Variants in ADAM12 observed in about 807,000 individuals in gnomAD.
ADAM12 encodes the protein ADAM metallopeptidase domain 12.
Under a neutral mutation model 106.4 loss-of-function variants are expected in ADAM12, and 70 were observed. The observed-to-expected ratio is 0.66, with a 90% confidence interval of 0.54 to 0.80. The LOEUF (loss-of-function observed/expected upper bound fraction) is 0.80. ADAM12 is among the 30% of genes least tolerant of loss of function. ADAM12 has a pLI of 0.00. For synonymous variants in ADAM12, 420 were observed against 433.5 expected (o/e 0.97, Z 0.39); for missense variants, 1,010 against 1,171.9 (o/e 0.86, Z 2.02).
intron 1 of ADAM12, among the ~76,000 whole-genome samples, chr10:126,332,922 C>T (rs1045688491): frequency 1.3e-4 from 20 of 152,112 alleles, no homozygotes; most frequent in African/African-American, 3.9e-4. Flanking sequence ...CTGCAGAGGC[C>T]GACTACAGAG....
chr10:126,065,753 CAT>C (rs909135576), intron 13 of ADAM12, among the ~76,000 whole-genome samples: 1 of 152,142 alleles, frequency 6.6e-6, no homozygotes, highest in African/African-American at 2.4e-5. Context: ...GTTAAAAAGT[CAT>C]AACCTAAAAG....
intron 2 of ADAM12, among the ~76,000 whole-genome samples, chr10:126,322,740 C>A (rs1564732758): frequency 6.6e-6 from 1 of 152,194 alleles, no homozygotes. Flanking sequence ...AGCCCAACGC[C>A]ACACAGCAAG....
chr10:126,224,023 C>T (rs1315558339), intron 3 of ADAM12, among the ~76,000 whole-genome samples: 1 of 152,188 alleles, frequency 6.6e-6, no homozygotes, highest in Non-Finnish European at 1.5e-5. Flanking sequence ...CGGCACTGTC[C>T]TCTCAGAGTG....
At chr10:126,099,450 T>C (rs2133575713) in intron 9 of ADAM12, among the ~76,000 whole-genome samples, 1 of 151,882 alleles carries the variant, frequency 6.6e-6, no homozygotes, top group South Asian at 2.1e-4. Flanking sequence ...TGGTAGAAAT[T>C]TCGGCCTTTA....
intron 5 of ADAM12, among the ~76,000 whole-genome samples, chr10:126,130,030 G>C (rs570655353): frequency 6.6e-6 from 1 of 152,222 alleles, no homozygotes; most frequent in South Asian, 2.1e-4. Context: ...TGCAAAACTG[G>C]AATCTGTTGG....
intron 3 of ADAM12, among the ~76,000 whole-genome samples, chr10:126,277,970 T>C (rs1157111701): frequency 1.3e-5 from 2 of 152,136 alleles, no homozygotes; most frequent in Non-Finnish European, 2.9e-5. Flanking sequence ...ATGATCTGAG[T>C]TGTTTACAGG....
intron 3 of ADAM12, among the ~76,000 whole-genome samples, chr10:126,158,899 T>TGGGGAGGATGCACAGAGCATGGA (rs1352159113): frequency 3.0e-5 from 3 of 98,396 alleles, no homozygotes; most frequent in Non-Finnish European, 6.4e-5. Flanking sequence ...CAGAGCATGG[T>TGGGGAGGATGCACAGAGCATGGA]GGGGAGGATG....
chr10:126,274,190 G>A (rs1959197902), intron 3 of ADAM12, among the ~76,000 whole-genome samples: 1 of 152,190 alleles, frequency 6.6e-6, no homozygotes, highest in South Asian at 2.1e-4. Context: ...GTCATGGTTG[G>A]CGGAAGAGGA....
intron 6 of ADAM12, among the ~76,000 whole-genome samples, chr10:126,110,869 G>C (rs1438389673): frequency 6.6e-6 from 1 of 152,184 alleles, no homozygotes; most frequent in Non-Finnish European, 1.5e-5. Flanking sequence ...GGAGGAAGTG[G>C]GGGTTAAGTT....
chr10:126,022,856 A>G (rs1417242583), intron 21 of ADAM12, among the ~76,000 whole-genome samples: 1 of 152,248 alleles, frequency 6.6e-6, no homozygotes, highest in Admixed American at 6.5e-5. Flanking sequence ...CAGGTATGCT[A>G]TTAATATGCT....
At position 126,013,425 on chromosome 10, in the gene ADAM12, T is replaced by C. The variant is rs1953602906; in HGVS notation, c.*3854A>G. On this transcript the variant is annotated 3_prime_UTR_variant, in exon 23 of 23. Transcript: ENST00000448723. This position sits in a 1 kb window ranked among gnomAD's most constrained non-coding sequence, Gnocchi z 4.3. ...AATTTTGTAATTATAGATAAGTTGA[T>C]TTTCTGTGGCTAACTTCCCCTTCTA... The C allele has an allele frequency of 6.6e-6, 1 of 152,178 alleles. No homozygotes were observed. Among genetic ancestry groups the C allele is most frequent in the Non-Finnish European group, 1.5e-5 (1 of 68,032 alleles). The allele number at this position is 152,178 out of a possible 1,614,324, so 9.4% of individuals were successfully genotyped here. A position where few individuals can be genotyped will look rare whatever the true frequency, so the allele number is the denominator to read the frequency against.
At chr10:126,174,005 T>C (rs11592241) in intron 3 of ADAM12, among the ~76,000 whole-genome samples, 3 of 145,758 alleles carry the variant, frequency 2.1e-5, no homozygotes, top group Non-Finnish European at 4.5e-5. Flanking sequence ...TCATCTGTTG[T>C]TGATTTTTTT....
chr10:126,171,674 G>T (rs1957123594), intron 3 of ADAM12, among the ~76,000 whole-genome samples: 1 of 152,190 alleles, frequency 6.6e-6, no homozygotes, highest in East Asian at 1.9e-4. Context: ...TCACTTCTCT[G>T]GATGGGCTTT....
At chr10:126,215,766 A>C (rs1233263656) in intron 3 of ADAM12, among the ~76,000 whole-genome samples, 1 of 152,222 alleles carries the variant, frequency 6.6e-6, no homozygotes, top group African/African-American at 2.4e-5. Context: ...TACCAGTGAC[A>C]GTAAATTGTG....
intron 1 of ADAM12, among the ~76,000 whole-genome samples, chr10:126,342,997 G>A (rs907993183): frequency 6.6e-6 from 1 of 152,094 alleles, no homozygotes; most frequent in Non-Finnish European, 1.5e-5. Flanking sequence ...ATTCAGCAAC[G>A]ACCAGGCACT....
At chr10:126,307,213 A>T (rs947837665) in intron 2 of ADAM12, among the ~76,000 whole-genome samples, 1 of 152,248 alleles carries the variant, frequency 6.6e-6, no homozygotes. Context: ...GAAATTCTGC[A>T]TATTTTTCTC....
chr10:126,046,573 G>A (rs753828099), intron 16 of ADAM12, among the ~76,000 whole-genome samples: 1 of 151,930 alleles, frequency 6.6e-6, no homozygotes, highest in Non-Finnish European at 1.5e-5. Flanking sequence ...GGGAGGCCGA[G>A]GCAGGCAGAA....
At chr10:126,091,809 T>A (rs995179630) in intron 11 of ADAM12, among the ~76,000 whole-genome samples, 1 of 152,116 alleles carries the variant, frequency 6.6e-6, no homozygotes, top group Admixed American at 6.5e-5. Context: ...ATTATATAAT[T>A]TTTAGAGCTG....
intron 1 of ADAM12, among the ~76,000 whole-genome samples, chr10:126,380,727 T>C (rs1454645754): frequency 6.6e-6 from 1 of 152,242 alleles, no homozygotes; most frequent in Admixed American, 6.5e-5. Flanking sequence ...GTCTAGATTA[T>C]ACCAATTTCA....
Sources: gnomAD v4.1 joint callset for allele counts (sites outside exome capture counted in the v4.1 genomes callset) on GRCh38, gnomAD v4.1.1 for gene constraint, Gnocchi (gnomAD v3.1) non-coding constraint, MANE v1.5 for transcripts, NCBI Gene and HGNC (gene_info 2026-07-23, HGNC 2026-07-21) for gene names.